LRP1B: variants seen among roughly 807,000 people sequenced by gnomAD.
LRP1B encodes the protein LDL receptor related protein 1B.
Under a neutral mutation model 556.6 loss-of-function variants are expected in LRP1B, and 217 were observed. The ratio of observed to expected loss-of-function variants is 0.39; its 90% CI spans 0.35 to 0.44. LRP1B has a LOEUF of 0.44. Among genes scored for constraint, LRP1B ranks in the 20% least tolerant of loss-of-function variants. LRP1B has a pLI of 1.00. For synonymous variants in LRP1B, 2,047 were observed against 1,865.8 expected (o/e 1.10, Z -2.50); for missense variants, 5,053 against 5,620.8 (o/e 0.90, Z 3.23).
At chr2:140,625,576 T>G (rs894825337) in intron 41 of LRP1B, among the ~76,000 whole-genome samples, 4 of 152,168 alleles carry the variant, frequency 2.6e-5, no homozygotes, top group African/African-American at 9.7e-5. Context: ...GCAAAATGCC[T>G]TAACAGACAC....
chr2:140,753,189 A>C (rs1416725648), intron 35 of LRP1B, among the ~76,000 whole-genome samples: 2 of 152,174 alleles, frequency 1.3e-5, no homozygotes, highest in Non-Finnish European at 2.9e-5. Context: ...AGATCAAAGA[A>C]ATTTCAACAG....
At chr2:140,726,490 G>A (rs963818353) in intron 35 of LRP1B, among the ~76,000 whole-genome samples, 4 of 152,232 alleles carry the variant, frequency 2.6e-5, no homozygotes, top group African/African-American at 9.6e-5. Flanking sequence ...CTCCCGATAA[G>A]CTGGCTACAT....
intron 30 of LRP1B, 100 bp downstream of exon 30, chr2:140,840,818 T>G (rs1573789890): frequency 5.5e-5 from 47 of 846,932 alleles, no homozygotes; most frequent in Non-Finnish European, 1.8e-6. Context: ...CTTATGGCTG[T>G]TATATATATA....
intron 88 of LRP1B, 73 bp downstream of exon 88, chr2:140,239,368 CA>C: frequency 1.1e-6 from 1 of 941,618 alleles, no homozygotes; most frequent in Non-Finnish European, 1.6e-6. Flanking sequence ...AAAAAATTAA[CA>C]ACAAACATTA....
intron 1 of LRP1B, among the ~76,000 whole-genome samples, chr2:141,967,008 A>G (rs1172178317): frequency 6.6e-6 from 1 of 151,616 alleles, no homozygotes; most frequent in East Asian, 2.0e-4. Context: ...CATTTTCTCT[A>G]TTACACTGGT....
chr2:141,345,656 AT>A (rs758109848), intron 3 of LRP1B, among the ~76,000 whole-genome samples: 5,598 of 131,032 alleles, frequency 0.043, 126 homozygotes, highest in African/African-American at 0.065. Flanking sequence ...TACCTGGCTA[AT>A]TTTTTTTTTT....
At chr2:141,582,552 A>G (rs1426425795) in intron 2 of LRP1B, among the ~76,000 whole-genome samples, 2 of 152,198 alleles carry the variant, frequency 1.3e-5, no homozygotes, top group Non-Finnish European at 2.9e-5. Flanking sequence ...CTCCACAAGA[A>G]AGCAGTTAGT....
chr2:141,518,672 G>C (rs886882719), intron 2 of LRP1B, among the ~76,000 whole-genome samples: 4 of 152,034 alleles, frequency 2.6e-5, no homozygotes, highest in African/African-American at 9.7e-5. Flanking sequence ...AGAGAGGCCG[G>C]GCATGGTGGC....
intron 3 of LRP1B, among the ~76,000 whole-genome samples, chr2:141,477,117 C>A (rs963241920): frequency 1.6e-5 from 2 of 126,074 alleles, no homozygotes; most frequent in Non-Finnish European, 3.3e-5. Flanking sequence ...AGCGAAACTC[C>A]GTCTCAAAAA....
intron 22 of LRP1B, among the ~76,000 whole-genome samples, chr2:140,904,367 G>T (rs1036976566): frequency 6.6e-6 from 1 of 152,018 alleles, no homozygotes; most frequent in African/African-American, 2.4e-5. Flanking sequence ...TTTTCAAGTG[G>T]ATTTCAAACC....
intron 6 of LRP1B, among the ~76,000 whole-genome samples, 172 bp from the exon 7 acceptor site, chr2:141,188,755 TG>T (rs1241612082): frequency 2.0e-5 from 3 of 152,004 alleles, no homozygotes; most frequent in African/African-American, 4.8e-5. Flanking sequence ...TTAATAATTA[TG>T]TAAAATAATT....
chr2:141,626,318 G>C (rs1688700964), intron 2 of LRP1B, among the ~76,000 whole-genome samples: 1 of 152,116 alleles, frequency 6.6e-6, no homozygotes, highest in Non-Finnish European at 1.5e-5. Context: ...ACTTGAAATA[G>C]ATCACAGAGC....
At chr2:140,850,054 A>T in intron 29 of LRP1B, 48 bp downstream of exon 29, 3 of 1,182,338 alleles carry the variant, frequency 2.5e-6, no homozygotes, top group Non-Finnish European at 3.7e-6. Flanking sequence ...ATTATTACAA[A>T]CTGAATAACA....
chr2:140,949,938 CAAAAAAAAAAAA>C (rs67201185), intron 20 of LRP1B, among the ~76,000 whole-genome samples: 12 of 14,280 alleles, frequency 8.4e-4, no homozygotes, highest in African/African-American at 3.3e-3. Flanking sequence ...GACTCCGTCT[CAAAAAAAAAAAA>C]AAAAAAAAAA....
intron 73 of LRP1B, 52 bp downstream of exon 73, chr2:140,358,769 A>G (rs947272497): frequency 1.3e-6 from 2 of 1,584,110 alleles, no homozygotes; most frequent in African/African-American, 1.3e-5. Flanking sequence ...ACTCCAAGTC[A>G]TCAGAGAACC....
chr2:142,117,098 A>G (rs957432358), intron 1 of LRP1B, among the ~76,000 whole-genome samples: 1 of 152,056 alleles, frequency 6.6e-6, no homozygotes, highest in Non-Finnish European at 1.5e-5. Flanking sequence ...CCCACACGGA[A>G]TATTTTCCCC....
At chr2:140,243,936 C>CT (rs1681054392) in intron 87 of LRP1B, among the ~76,000 whole-genome samples, 1 of 151,348 alleles carries the variant, frequency 6.6e-6, no homozygotes, top group South Asian at 2.1e-4. Context: ...CCCTTTTTAT[C>CT]TTTTTTGTTT....
In LRP1B at chr2:140,578,610, C is replaced by T. The variant is rs117213339; in HGVS notation, c.7194+20021G>A. Among the ~76,000 whole-genome samples the T allele has an allele frequency of 1.2e-3, 187 of 152,248 alleles. 4 individuals carry two copies. The East Asian group carries it at 0.033, about 27-fold the overall frequency. On this transcript the variant is annotated intron_variant, in intron 43 of 90. Coordinates refer to ENST00000389484, the MANE Select transcript of LRP1B (RefSeq NM_018557.3). Reference sequence around the variant, plus strand: ...CTCACTTTCTTCAAACCTCAGTCATCCTCTTGCTGAAGACTTTTCCAACCA... The same window carrying T: ...CTCACTTTCTTCAAACCTCAGTCATTCTCTTGCTGAAGACTTTTCCAACCA...
At chr2:140,580,107 G>A (rs945329517) in intron 43 of LRP1B, among the ~76,000 whole-genome samples, 3 of 152,168 alleles carry the variant, frequency 2.0e-5, no homozygotes, top group African/African-American at 7.2e-5. Flanking sequence ...CATTGTTACT[G>A]TGGCTGCTGA....
Sources: gnomAD v4.1 joint callset for allele counts (sites outside exome capture counted in the v4.1 genomes callset) on GRCh38, gnomAD v4.1.1 for gene constraint, MANE v1.5 for transcripts, NCBI Gene and HGNC (gene_info 2026-07-23, HGNC 2026-07-21) for gene names.